Variants in SGF29 observed in about 807,000 individuals in gnomAD.
SGF29 encodes SAGA-associated factor 29.
In SGF29, 15 loss-of-function variants were observed where a neutral mutation model predicts 38.1. The ratio of observed to expected loss-of-function variants is 0.39; its 90% CI spans 0.26 to 0.61. The LOEUF is 0.61. SGF29 is among the 20% of genes least tolerant of loss of function. The pLI is 0.49. For missense variants in SGF29, 184 were observed against 394.6 expected (o/e 0.47, Z 4.52); for synonymous variants, 151 against 160.8 (o/e 0.94, Z 0.46).
intron 1 of SGF29, among the ~76,000 whole-genome samples, chr16:28,572,283 A>AT (rs1159531703): frequency 3.2e-5 from 4 of 125,348 alleles, no homozygotes; most frequent in Non-Finnish European, 1.7e-5. Flanking sequence ...GCCCTTTTGT[A>AT]TTTTTCTTGA....
intron 4 of SGF29, chr16:28,588,499 A>C (rs2046967942): frequency 2.8e-6 from 1 of 354,150 alleles, no homozygotes; most frequent in East Asian, 9.1e-5. Context: ...AGTTTTTGGC[A>C]TGCTGCTTTC....
Position 28,564,719 on chromosome 16 carries a change from ATATATATACATATATATGTATATATG to A in SGF29, c.-16+10631_-16+10656del, listed in dbSNP as rs2046822191. ...TATGTATATATATACATATATATGT[ATATATATACATATATATGTATATATG>A]TATATATATGTATATATGTATATAT... is the stretch of plus-strand genomic sequence containing the variant. On this transcript the variant is annotated intron_variant, in intron 1 of 9. Coordinates refer to ENST00000317058, the MANE Select transcript of SGF29 (RefSeq NM_138414.3). Among the ~76,000 whole-genome samples, 5 of 86,464 alleles carry A rather than the reference ATATATATACATATATATGTATATATG, an allele frequency of 5.8e-5. 1 individual carries two copies. Among genetic ancestry groups the A allele is most frequent in the Non-Finnish European group, 1.1e-4 (5 of 45,682 alleles). The allele number at this position is 86,464 out of a possible 152,430, so 56.7% of individuals were successfully genotyped here.
intron 1 of SGF29, among the ~76,000 whole-genome samples, chr16:28,568,160 A>T (rs886116057): frequency 5.3e-5 from 8 of 151,788 alleles, no homozygotes; most frequent in Non-Finnish European, 8.8e-5. Context: ...TAAAAATACA[A>T]AAATTAGCCA....
chr16:28,589,289 T>G, intron 5 of SGF29, 125 bp downstream of exon 5: 1 of 904,532 alleles, frequency 1.1e-6, no homozygotes, highest in Non-Finnish European at 1.8e-6. Context: ...ATGGAGGCTC[T>G]GGCAGACTGG....
chr16:28,565,961 G>A (rs890819505), intron 1 of SGF29, among the ~76,000 whole-genome samples: 8 of 152,142 alleles, frequency 5.3e-5, no homozygotes, highest in Admixed American at 5.2e-4. Context: ...ATGTGATTTG[G>A]TAGGTACAGT....
intron 1 of SGF29, among the ~76,000 whole-genome samples, chr16:28,557,628 T>G (rs540306941): frequency 6.6e-6 from 1 of 152,238 alleles, no homozygotes; most frequent in South Asian, 2.1e-4. Context: ...TGACTGGCAT[T>G]GAGAATTGGG....
intron 1 of SGF29, among the ~76,000 whole-genome samples, chr16:28,578,611 G>T (rs1019343356): frequency 4.6e-5 from 7 of 151,710 alleles, no homozygotes; most frequent in Admixed American, 1.3e-4. Flanking sequence ...TTGATTAAGT[G>T]GGGGGAAGAG....
Position 28,590,359 on chromosome 16 carries a change from G to A in SGF29, c.483G>A (p.Lys161=), listed in dbSNP as rs201615791. The part of the protein sequence containing the change: ...SGDYVARPGD[K]VAARVKAVDG... Reference sequence around the variant, plus strand: ...ACTACGTGGCCAGACCTGGAGACAAGGTGGCTGCCCGGGTGAAGGCCGTGG... The same window carrying A: ...ACTACGTGGCCAGACCTGGAGACAAAGTGGCTGCCCGGGTGAAGGCCGTGG... Residue 161 remains lysine, a synonymous_variant, in exon 7 of 10, where the codon AAG becomes AAA. Transcript: ENST00000317058. This position sits in a 1 kb window ranked among gnomAD's most constrained non-coding sequence, Gnocchi z 8.2. The A allele has an allele frequency of 2.5e-6, 4 of 1,613,762 alleles. No individual in the cohort carries two copies. The highest frequency in any genetic ancestry group is 3.4e-6 in the Non-Finnish European group (4 of 1,179,778).
Position 28,562,042 on chromosome 16 carries a change from G to C in SGF29, c.-16+7945G>C, listed in dbSNP as rs117579042. ...GTTCTCTCAGACAAGCCACTACCCA[G>C]TAGGCAAAGCTCAAACGAGAGCCCT... On this transcript the variant is annotated intron_variant, in intron 1 of 9. Transcript: ENST00000317058. 1.4e-3 allele frequency among the ~76,000 whole-genome samples: 213 copies of C among 152,322 alleles called. 8 individuals carry two copies. In the East Asian group the frequency reaches 0.039, roughly 28 times the overall value.
chr16:28,560,610 G>A (rs1027102702), intron 1 of SGF29, among the ~76,000 whole-genome samples: 2 of 141,000 alleles, frequency 1.4e-5, no homozygotes, highest in South Asian at 2.3e-4. Context: ...AAAAAAGAAC[G>A]AAAATTTTAA....
intron 1 of SGF29, among the ~76,000 whole-genome samples, chr16:28,577,365 A>T (rs2046900403): frequency 6.6e-6 from 1 of 152,008 alleles, no homozygotes; most frequent in South Asian, 2.1e-4. Context: ...AAAAAAAACA[A>T]AAAAACCCAT....
chr16:28,559,073 A>C (rs1164821901), intron 1 of SGF29, among the ~76,000 whole-genome samples: 1 of 152,174 alleles, frequency 6.6e-6, no homozygotes, highest in African/African-American at 2.4e-5. Flanking sequence ...ATCCCAGCAC[A>C]TTTTGGGAGG....
chr16:28,573,994 T>C (rs953994321), intron 1 of SGF29, among the ~76,000 whole-genome samples: 52 of 152,270 alleles, frequency 3.4e-4, no homozygotes, highest in African/African-American at 1.2e-3. Context: ...GGTGCGGGCA[T>C]GTGCAAGGCG....
At chr16:28,572,221 C>T (rs1351409680) in intron 1 of SGF29, among the ~76,000 whole-genome samples, 1 of 152,070 alleles carries the variant, frequency 6.6e-6, no homozygotes, top group Non-Finnish European at 1.5e-5. Flanking sequence ...TGTGATCCAC[C>T]TGCCTCAGCC....
intron 1 of SGF29, among the ~76,000 whole-genome samples, chr16:28,573,584 C>T (rs773173693): frequency 6.6e-6 from 1 of 152,146 alleles, no homozygotes; most frequent in African/African-American, 2.4e-5. Flanking sequence ...TCAGGATGAA[C>T]TCTCCTCAAT....
chr16:28,574,542 C>T (rs1323186661), intron 1 of SGF29, among the ~76,000 whole-genome samples: 1 of 152,172 alleles, frequency 6.6e-6, no homozygotes, highest in Non-Finnish European at 1.5e-5. Context: ...CAGGAAATGG[C>T]CTCTCCCTGG....
In SGF29 at chr16:28,581,626, C is replaced by G. The variant is rs200367190; in HGVS notation, c.75+482C>G. Among the ~76,000 whole-genome samples, 34 of 152,118 alleles carry G rather than the reference C, an allele frequency of 2.2e-4. No individual in the cohort carries two copies. The East Asian group carries it at 6.3e-3, about 28-fold the overall frequency. On this transcript the variant is annotated intron_variant, in intron 2 of 9. Transcript: ENST00000317058. ...TCTCAGCTCACTGCAACCTCTGCCT[C>G]CTGGGTTCAAGCGATTCTTCTGCCT...
At chr16:28,567,028 G>A (rs1032826598) in intron 1 of SGF29, among the ~76,000 whole-genome samples, 4 of 151,982 alleles carry the variant, frequency 2.6e-5, no homozygotes, top group Non-Finnish European at 4.4e-5. Context: ...TCCAATTTTA[G>A]AATATTTTCT....
At chr16:28,557,965 G>GTTTT (rs753237384) in intron 1 of SGF29, among the ~76,000 whole-genome samples, 4 of 65,620 alleles carry the variant, frequency 6.1e-5, no homozygotes, top group Admixed American at 1.9e-4. Context: ...TTCTTTCTCT[G>GTTTT]TTTTTTTTTT....
Sources: allele counts gnomAD v4.1 joint callset (sites outside exome capture counted in the v4.1 genomes callset), GRCh38; gene constraint gnomAD v4.1.1; non-coding constraint Gnocchi (gnomAD v3.1); transcripts MANE v1.5; gene names NCBI Gene and HGNC (gene_info 2026-07-23, HGNC 2026-07-21).